Variants in MAN1A1 observed in about 807,000 individuals in gnomAD.
MAN1A1 encodes the protein mannosyl-oligosaccharide 1,2-alpha-mannosidase IA.
MAN1A1 carries 29 observed loss-of-function variants against 70.8 expected under a neutral mutation model. That is an observed-to-expected ratio of 0.41 (90% CI 0.31 to 0.56). The LOEUF is 0.56. Ranked by LOEUF, MAN1A1 falls within the 20% of genes least tolerant of loss-of-function variation. MAN1A1 has a pLI of 0.29. For missense variants in MAN1A1, 747 were observed against 841.3 expected, an observed-to-expected ratio of 0.89 and a Z score of 1.39; for synonymous variants, 349 against 330.1, an observed-to-expected ratio of 1.06 and a Z score of -0.62.
At chr6:119,206,902 T>C (rs935574707) in intron 6 of MAN1A1, among the ~76,000 whole-genome samples, 12 of 152,322 alleles carry the variant, frequency 7.9e-5, no homozygotes, top group African/African-American at 2.6e-4. Context: ...GATGACTTTA[T>C]CCTGGAAAAG....
intron 5 of MAN1A1, among the ~76,000 whole-genome samples, chr6:119,286,273 A>G (rs1776371852): frequency 1.3e-5 from 2 of 152,152 alleles, no homozygotes; most frequent in East Asian, 1.9e-4. Flanking sequence ...ACGATTATCC[A>G]TAACTAAACA....
chr6:119,286,262 T>C (rs142188945), intron 5 of MAN1A1, among the ~76,000 whole-genome samples: 1 of 152,232 alleles, frequency 6.6e-6, no homozygotes, highest in African/African-American at 2.4e-5. Context: ...TAAACATTTT[T>C]ACGATTATCC....
At chr6:119,201,559 A>T (rs770445725) in intron 7 of MAN1A1, among the ~76,000 whole-genome samples, 7 of 152,194 alleles carry the variant, frequency 4.6e-5, no homozygotes, top group Non-Finnish European at 8.8e-5. Context: ...ACTAGGAACA[A>T]GGGGCCAGTG....
At chr6:119,290,868 G>T (rs1776519932) in intron 4 of MAN1A1, 105 bp from the exon 5 acceptor site, 2 of 703,864 alleles carry the variant, frequency 2.8e-6, no homozygotes, top group Non-Finnish European at 4.8e-6. Flanking sequence ...TCTTATGCTT[G>T]CCCAGAGAAG....
intron 2 of MAN1A1, among the ~76,000 whole-genome samples, chr6:119,342,994 A>C (rs907201824): frequency 1.3e-5 from 2 of 152,194 alleles, no homozygotes; most frequent in East Asian, 1.9e-4. Context: ...TCTTGGAGAG[A>C]TCTTTATAAA....
chr6:119,193,114 T>G (rs17442126), intron 9 of MAN1A1, among the ~76,000 whole-genome samples: 7,068 of 152,242 alleles, frequency 0.046, 204 homozygotes, highest in East Asian at 0.082. Context: ...GTAATCTCTC[T>G]GAGGTACAGC....
At chr6:119,297,038 T>C (rs955192757) in intron 4 of MAN1A1, among the ~76,000 whole-genome samples, 7 of 152,246 alleles carry the variant, frequency 4.6e-5, no homozygotes, top group African/African-American at 1.2e-4. Context: ...TTACAGAAGA[T>C]AGTTTTCAAT....
At position 119,328,848 on chromosome 6, in the gene MAN1A1, A is replaced by G. The variant is rs779991453; in HGVS notation, c.603+19615T>C. Among the ~76,000 whole-genome samples the G allele has an allele frequency of 1.6e-4, 24 of 152,240 alleles. 1 individual carries two copies. The highest frequency in any genetic ancestry group is 3.4e-4 in the Non-Finnish European group (23 of 68,046). The stretch of plus-strand genomic sequence containing the variant: ...ACTGATATTTTGCAGGAATGTTTGT[A>G]TGACAGTTAATGGAACAATATAAAA... On this transcript the variant is annotated intron_variant, in intron 2 of 12. Transcript: ENST00000368468.
chr6:119,283,407 C>G (rs970468921), intron 5 of MAN1A1, among the ~76,000 whole-genome samples: 1 of 152,108 alleles, frequency 6.6e-6, no homozygotes, highest in African/African-American at 2.4e-5. Flanking sequence ...CAGTGTTAAG[C>G]ATGAGGATAT....
intron 11 of MAN1A1, 111 bp downstream of exon 11, chr6:119,188,294 G>A: frequency 9.9e-7 from 1 of 1,011,412 alleles, no homozygotes; most frequent in South Asian, 1.7e-5. Flanking sequence ...AAAAAATCCT[G>A]GTCGAAGCAT....
chr6:119,184,898 T>A (rs114785716), intron 11 of MAN1A1, among the ~76,000 whole-genome samples: 179 of 152,138 alleles, frequency 1.2e-3, no homozygotes, highest in African/African-American at 3.7e-3. Flanking sequence ...ATTTTTTTTT[T>A]TAAAATTTTC....
chr6:119,230,683 C>G lies in MAN1A1; in HGVS notation c.992+17577G>C, dbSNP rs181390535. Among the ~76,000 whole-genome samples, 40 of 152,284 alleles carry G rather than the reference C, an allele frequency of 2.6e-4. No individual in the cohort carries two copies. In the Middle Eastern group the frequency reaches 0.01, roughly 39 times the overall value. Reference sequence around the variant, plus strand: ...GTGAGAGTCACCAAGAAAACGTTTACCACTTATCTCCTGCACCTGGTCCAG... The same window carrying G: ...GTGAGAGTCACCAAGAAAACGTTTAGCACTTATCTCCTGCACCTGGTCCAG... On this transcript the variant is annotated intron_variant, in intron 6 of 12. Coordinates refer to ENST00000368468, the MANE Select transcript of MAN1A1 (RefSeq NM_005907.4).
rs903236686 is a variant in MAN1A1, at chr6:119,348,389, G to A, written c.603+74C>T. The A allele has an allele frequency of 6.5e-6, 9 of 1,393,046 alleles. No homozygotes were observed. The African/African-American group carries it at 1.0e-4, about 16-fold the overall frequency. The allele number at this position is 1,393,046 out of a possible 1,614,324, so 86.3% of individuals were successfully genotyped here. A position where few individuals can be genotyped will look rare whatever the true frequency, so the allele number is the denominator to read the frequency against. On this transcript the variant is annotated intron_variant, in intron 2 of 12. Transcript: ENST00000368468. ...ATACATTGCATTGTTGCAGTCTTCA[G>A]AGTTTCAAAGGCTTGCCGTTTCTCC...
rs559772968 is a variant in MAN1A1 at position 119,214,108 on chromosome 6, G to A, written c.993-9226C>T. On this transcript the variant is annotated intron_variant, in intron 6 of 12. Transcript: ENST00000368468. ...GCCTCCTGAGTAGCTGGGATTACAG[G>A]CGTGCACCACAGCACCTGGCTTAAT... is the stretch of plus-strand genomic sequence containing the variant. Among the ~76,000 whole-genome samples, 52 of 152,158 alleles carry A rather than the reference G, an allele frequency of 3.4e-4. No homozygotes were observed. In the South Asian group the frequency reaches 0.01, roughly 30 times the overall value.
At chr6:119,198,890 A>G (rs1773643343) in intron 8 of MAN1A1, among the ~76,000 whole-genome samples, 1 of 152,250 alleles carries the variant, frequency 6.6e-6, no homozygotes, top group Non-Finnish European at 1.5e-5. Flanking sequence ...TTGATATTAC[A>G]ACAATAGTCA....
At chr6:119,210,406 T>A (rs184765902) in intron 6 of MAN1A1, among the ~76,000 whole-genome samples, 1 of 152,262 alleles carries the variant, frequency 6.6e-6, no homozygotes, top group African/African-American at 2.4e-5. Context: ...TGTATTTAGA[T>A]GGGCATGCAT....
chr6:119,338,807 T>G (rs1029373269), intron 2 of MAN1A1, among the ~76,000 whole-genome samples: 6 of 152,192 alleles, frequency 3.9e-5, no homozygotes, highest in Non-Finnish European at 7.3e-5. Flanking sequence ...TGGTAAGAGC[T>G]CCTATCAATA....
At chr6:119,236,601 G>A (rs955619959) in intron 6 of MAN1A1, among the ~76,000 whole-genome samples, 3 of 151,690 alleles carry the variant, frequency 2.0e-5, no homozygotes, top group Non-Finnish European at 4.4e-5. Context: ...CCAGCTACTC[G>A]GGAGGTTGAG....
At chr6:119,250,654 G>C (rs1438233297) in intron 5 of MAN1A1, among the ~76,000 whole-genome samples, 1 of 148,708 alleles carries the variant, frequency 6.7e-6, no homozygotes, top group Admixed American at 6.7e-5. Flanking sequence ...CTCTCTGTGT[G>C]TGTGTGTGTG....
Sources: gnomAD v4.1 joint callset for allele counts (sites outside exome capture counted in the v4.1 genomes callset) on GRCh38, gnomAD v4.1.1 for gene constraint, MANE v1.5 for transcripts, NCBI Gene and HGNC (gene_info 2026-07-23, HGNC 2026-07-21) for gene names.